The following CHODL variants were observed in gnomAD, a reference collection of about 807,000 sequenced individuals.
The protein encoded by CHODL is chondrolectin, also known as transmembrane protein MT75.
A neutral mutation model predicts 34.5 loss-of-function variants in CHODL; 29 were observed. The observed-to-expected ratio is 0.84, with a 90% CI of 0.63 to 1.15. CHODL has a LOEUF of 1.15. CHODL is among the 50% of genes most tolerant of loss of function. The pLI is 0.00. For missense variants in CHODL, 332 were observed against 332.5 expected, an observed-to-expected ratio of 1.00 and a Z score of 0.01; for synonymous variants, 125 against 116.1, an observed-to-expected ratio of 1.08 and a Z score of -0.49.
At chr21:18,233,655 C>T (rs377460488) in intron 2 of CHODL, among the ~76,000 whole-genome samples, 17 of 152,098 alleles carry the variant, frequency 1.1e-4, no homozygotes, top group South Asian at 4.2e-4. Flanking sequence ...TGCTAAAACA[C>T]CGGAGCCAAT....
chr21:18,042,936 A>G (rs1407432771), intron 2 of CHODL, among the ~76,000 whole-genome samples: 1 of 151,970 alleles, frequency 6.6e-6, no homozygotes, highest in African/African-American at 2.4e-5. Flanking sequence ...CTAATTCAAA[A>G]TACCTTTATG....
At chr21:18,248,584 T>A (rs986719597) in intron 1 of CHODL, among the ~76,000 whole-genome samples, 15 of 137,780 alleles carry the variant, frequency 1.1e-4, no homozygotes, top group African/African-American at 3.5e-4. Flanking sequence ...GTAATGTATT[T>A]TATATATATA....
chr21:18,003,683 TTCTG>T (rs1431811446), intron 1 of CHODL, among the ~76,000 whole-genome samples: 2 of 152,224 alleles, frequency 1.3e-5, no homozygotes, highest in African/African-American at 4.8e-5. Context: ...TCCTGTTTCT[TTCTG>T]TCTGTCTCTC....
At position 18,153,799 on chromosome 21, in the gene CHODL, A is replaced by G. The variant is rs540847949; in HGVS notation, c.-44-102710A>G. On this transcript the variant is annotated intron_variant, in intron 2 of 6. Coordinates refer to the CHODL transcript ENST00000400127. ...CCTTTTCTATGAATAATATTAAGAT[A>G]CCATAACTACTAAAACAGATTTCCT... 2.6e-5 allele frequency among the ~76,000 whole-genome samples: 4 copies of G among 152,244 alleles called. No individual in the cohort carries two copies. In the East Asian group the frequency reaches 7.7e-4, roughly 29 times the overall value.
At chr21:18,023,266 G>A (rs1239370522) in intron 1 of CHODL, among the ~76,000 whole-genome samples, 4 of 152,162 alleles carry the variant, frequency 2.6e-5, no homozygotes, top group African/African-American at 9.7e-5. Flanking sequence ...CCCAGCTGGA[G>A]CTGCTCTCAA....
chr21:18,116,692 C>T (rs568897227), intron 2 of CHODL, among the ~76,000 whole-genome samples: 1 of 152,288 alleles, frequency 6.6e-6, no homozygotes, highest in Admixed American at 6.5e-5. Context: ...GTGATGATCC[C>T]AGCACCATCT....
At chr21:18,156,093 G>A (rs190403485) in intron 2 of CHODL, among the ~76,000 whole-genome samples, 2 of 152,238 alleles carry the variant, frequency 1.3e-5, no homozygotes, top group East Asian at 1.9e-4. Context: ...TTTGACCTTG[G>A]ACGTGGGTAG....
intron 2 of CHODL, among the ~76,000 whole-genome samples, chr21:18,110,976 T>C (rs1458714635): frequency 6.6e-6 from 1 of 152,198 alleles, no homozygotes; most frequent in East Asian, 1.9e-4. Context: ...CTATATGTTC[T>C]CCAGACATGT....
At chr21:17,947,471 A>C (rs1235326679) in intron 1 of CHODL, among the ~76,000 whole-genome samples, 3 of 152,036 alleles carry the variant, frequency 2.0e-5, no homozygotes, top group Non-Finnish European at 1.5e-5. Flanking sequence ...AAATATTTGC[A>C]AACTGTGCAT....
intron 1 of CHODL, among the ~76,000 whole-genome samples, chr21:17,994,038 G>A (rs563921372): frequency 6.6e-6 from 1 of 151,740 alleles, no homozygotes; most frequent in East Asian, 1.9e-4. Flanking sequence ...TATTGATTTT[G>A]ATTATTTTTT....
At chr21:18,201,223 T>C (rs776044017) in intron 2 of CHODL, among the ~76,000 whole-genome samples, 7 of 152,220 alleles carry the variant, frequency 4.6e-5, no homozygotes, top group Non-Finnish European at 7.4e-5. Flanking sequence ...TTATTTTTTG[T>C]TATTGGCAAT....
intron 1 of CHODL, among the ~76,000 whole-genome samples, chr21:17,988,760 G>A (rs1600862933): frequency 6.6e-6 from 1 of 151,334 alleles, no homozygotes; most frequent in South Asian, 2.1e-4. Context: ...AGTATTCCAT[G>A]GTGTATATGT....
chr21:18,042,180 A>G (rs917829171), intron 2 of CHODL, among the ~76,000 whole-genome samples: 3 of 152,014 alleles, frequency 2.0e-5, no homozygotes, highest in African/African-American at 7.2e-5. Context: ...AAAAATTTTT[A>G]ATTTTAATAT....
intron 2 of CHODL, among the ~76,000 whole-genome samples, chr21:18,233,924 G>A (rs2074005257): frequency 2.0e-5 from 3 of 152,186 alleles, no homozygotes; most frequent in South Asian, 4.1e-4. Context: ...AATGCAGAAT[G>A]CATAATATTT....
chr21:18,248,718 A>G (rs1257758474), intron 1 of CHODL, among the ~76,000 whole-genome samples: 2,345 of 119,316 alleles, frequency 0.02, 110 homozygotes, highest in African/African-American at 0.082. Flanking sequence ...TAATATATAC[A>G]TATATATGTA....
chr21:17,988,330 C>G (rs571800007), intron 1 of CHODL, among the ~76,000 whole-genome samples: 1 of 151,396 alleles, frequency 6.6e-6, no homozygotes, highest in East Asian at 1.9e-4. Flanking sequence ...TCTACCTGGA[C>G]ACAGCTAACT....
At chr21:17,998,240 C>G (rs957978965) in intron 1 of CHODL, among the ~76,000 whole-genome samples, 2 of 152,236 alleles carry the variant, frequency 1.3e-5, no homozygotes, top group African/African-American at 2.4e-5. Flanking sequence ...GTCTCACACC[C>G]AGGTCATGCT....
intron 2 of CHODL, among the ~76,000 whole-genome samples, chr21:18,033,049 T>C (rs900729372): frequency 1.9e-4 from 29 of 151,994 alleles, no homozygotes; most frequent in African/African-American, 7.0e-4. Context: ...TAAATTCTGA[T>C]GAATGCTATG....
chr21:18,152,407 TGG>T (rs2072981163), intron 2 of CHODL, among the ~76,000 whole-genome samples: 2 of 152,370 alleles, frequency 1.3e-5, no homozygotes, highest in Admixed American at 1.3e-4. Context: ...ACTGCTTAGC[TGG>T]GTCCTCAGGA....
Sources: allele counts gnomAD v4.1 joint callset (sites outside exome capture counted in the v4.1 genomes callset), GRCh38; gene constraint gnomAD v4.1.1; transcripts MANE v1.5; gene names NCBI Gene and HGNC (gene_info 2026-07-23, HGNC 2026-07-21).